The following CPNE2 variants were observed in gnomAD, a reference collection of about 807,000 sequenced individuals.
CPNE2 encodes the protein copine 2.
In CPNE2, 42 loss-of-function variants were observed where a neutral mutation model predicts 69.7. The observed-to-expected ratio is 0.60, with a 90% confidence interval of 0.47 to 0.78. CPNE2 has a LOEUF of 0.78. Among genes scored for constraint, CPNE2 ranks in the 30% least tolerant of loss-of-function variants. The pLI is 0.00. For missense variants in CPNE2, 587 were observed against 732.0 expected, an observed-to-expected ratio of 0.80 and a Z score of 2.29; for synonymous variants, 294 against 289.8, an observed-to-expected ratio of 1.01 and a Z score of -0.15.
At chr16:57,137,097 T>C in intron 13 of CPNE2, 52 bp from the exon 14 acceptor site, 1 of 1,593,460 alleles carries the variant, frequency 6.3e-7, no homozygotes, top group Non-Finnish European at 8.6e-7. Context: ...GAGATGAGAG[T>C]GGGTATGGGG....
intron 14 of CPNE2, among the ~76,000 whole-genome samples, chr16:57,139,973 G>A (rs906343682): frequency 3.3e-5 from 5 of 152,120 alleles, no homozygotes; most frequent in African/African-American, 7.2e-5. Flanking sequence ...CCTGAGGGAC[G>A]GAGAAGGACA....
intron 1 of CPNE2, among the ~76,000 whole-genome samples, chr16:57,095,376 TG>T (rs1474749878): frequency 2.0e-5 from 3 of 152,228 alleles, no homozygotes; most frequent in Non-Finnish European, 4.4e-5. Context: ...CTGCCCTCAT[TG>T]GGCCACTGGA....
At chr16:57,124,414 G>GA in intron 10 of CPNE2, 1 of 455,782 alleles carries the variant, frequency 2.2e-6, no homozygotes, top group Non-Finnish European at 4.4e-6. Flanking sequence ...GGCACTTGCC[G>GA]CCCCGAGATT....
chr16:57,139,081 C>T (rs1411228956), intron 14 of CPNE2, among the ~76,000 whole-genome samples: 2 of 152,194 alleles, frequency 1.3e-5, no homozygotes, highest in African/African-American at 2.4e-5. Flanking sequence ...TGCAGGAAAC[C>T]GGACTTTTAT....
intron 4 of CPNE2, 111 bp from the exon 5 acceptor site, chr16:57,117,385 C>A: frequency 9.3e-7 from 1 of 1,073,542 alleles, no homozygotes. Context: ...TGGAACTGCC[C>A]TTCCCTTCCC....
At chr16:57,105,995 G>A (rs1372307074) in intron 1 of CPNE2, 2 of 152,768 alleles carry the variant, frequency 1.3e-5, no homozygotes, top group Non-Finnish European at 2.9e-5. Context: ...GGTAGGAGGG[G>A]AGGGGGCCCC....
intron 12 of CPNE2, among the ~76,000 whole-genome samples, chr16:57,128,369 A>G (rs2069815330): frequency 6.6e-6 from 1 of 152,098 alleles, no homozygotes; most frequent in African/African-American, 2.4e-5. Flanking sequence ...AGCTGGGATT[A>G]CAGGTGCCCA....
intron 1 of CPNE2, among the ~76,000 whole-genome samples, chr16:57,104,243 C>T (rs1271725547): frequency 6.6e-6 from 1 of 152,180 alleles, no homozygotes; most frequent in Non-Finnish European, 1.5e-5. Flanking sequence ...TCCCATTTTA[C>T]AGAGGGAGAA....
intron 1 of CPNE2, among the ~76,000 whole-genome samples, chr16:57,098,246 C>G (rs2069590614): frequency 6.6e-6 from 1 of 152,246 alleles, no homozygotes; most frequent in African/African-American, 2.4e-5. Context: ...GCAGCCTCCT[C>G]GCCATGCTGT....
chr16:57,094,852 C>G (rs531851075), intron 1 of CPNE2, among the ~76,000 whole-genome samples: 1 of 152,280 alleles, frequency 6.6e-6, no homozygotes, highest in Non-Finnish European at 1.5e-5. Context: ...CAGGTGTCCC[C>G]ATTTCCCCAC....
At chr16:57,116,916 C>G (rs2069723196) in intron 4 of CPNE2, among the ~76,000 whole-genome samples, 1 of 152,164 alleles carries the variant, frequency 6.6e-6, no homozygotes. Context: ...GGAGAGAGGC[C>G]TACAGGGGGC....
intron 10 of CPNE2, chr16:57,125,491 CG>C: frequency 2.6e-6 from 1 of 388,800 alleles, no homozygotes; most frequent in Non-Finnish European, 5.2e-6. Flanking sequence ...CAAAGTTAGA[CG>C]GGAAGAAACG....
rs779640951 is a variant in CPNE2 at position 57,147,696 on chromosome 16, C to T, written c.*38C>T. ...AGCAGCAGCATGTCAGCTGAGCCTC[C>T]TGCCCTCCCCCAGGAACATGCACGC... is the stretch of plus-strand genomic sequence containing the variant. On this transcript the variant is annotated 3_prime_UTR_variant, in exon 16 of 16. Transcript: ENST00000290776. 2 of 1,392,992 alleles carry T rather than the reference C, an allele frequency of 1.4e-6. No homozygotes were observed. The highest frequency in any genetic ancestry group is 1.3e-5 in the South Asian group (1 of 75,978). 86.3% of individuals were successfully genotyped at this position (1,392,992 alleles called of 1,614,324 possible).
chr16:57,139,099 C>G (rs2399621), intron 14 of CPNE2, among the ~76,000 whole-genome samples: 128,460 of 152,096 alleles, frequency 0.84, 54,447 homozygotes, highest in Non-Finnish European at 0.88. Flanking sequence ...TATTATTTCT[C>G]AAATCAGTCT....
intron 1 of CPNE2, among the ~76,000 whole-genome samples, chr16:57,107,395 G>A (rs1344835517): frequency 6.6e-6 from 1 of 152,208 alleles, no homozygotes; most frequent in East Asian, 1.9e-4. Flanking sequence ...GGCATGTCCG[G>A]GGAACACTGG....
intron 1 of CPNE2, chr16:57,094,080 G>A: frequency 2.2e-6 from 1 of 456,718 alleles, no homozygotes; most frequent in Non-Finnish European, 4.4e-6. Flanking sequence ...ATTCCGCCTG[G>A]CATAGGTCCA....
At chr16:57,104,162 G>C (rs7200295) in intron 1 of CPNE2, among the ~76,000 whole-genome samples, 90,904 of 152,056 alleles carry the variant, frequency 0.6, 27,731 homozygotes, top group East Asian at 0.73. Flanking sequence ...GGTGATCCCA[G>C]CTGCCTCGGC....
At chr16:57,121,529 T>G in intron 8 of CPNE2, 145 bp from the exon 9 acceptor site, 1 of 771,968 alleles carries the variant, frequency 1.3e-6, no homozygotes, top group Non-Finnish European at 2.2e-6. Flanking sequence ...GCTACCATTT[T>G]TGGGTGTGGA....
intron 1 of CPNE2, among the ~76,000 whole-genome samples, chr16:57,108,389 C>T (rs901294635): frequency 1.3e-5 from 2 of 152,198 alleles, no homozygotes; most frequent in Non-Finnish European, 2.9e-5. Flanking sequence ...GATTTGTGTT[C>T]CCAGAGGGGG....
Sources: allele counts gnomAD v4.1 joint callset (sites outside exome capture counted in the v4.1 genomes callset), GRCh38; gene constraint gnomAD v4.1.1; transcripts MANE v1.5; gene names NCBI Gene and HGNC (gene_info 2026-07-23, HGNC 2026-07-21).